The following ARHGAP6 variants were observed in gnomAD, a reference collection of about 807,000 sequenced individuals.
ARHGAP6 encodes the protein Rho GTPase activating protein 6.
In ARHGAP6, 16 loss-of-function variants were observed where a neutral mutation model predicts 55.7. The ratio of observed to expected loss-of-function variants is 0.29; its 90% CI spans 0.19 to 0.44. ARHGAP6 has a LOEUF of 0.44. Ranked by LOEUF, ARHGAP6 falls within the 20% of genes least tolerant of loss-of-function variation. ARHGAP6 has a pLI of 1.00. For synonymous variants in ARHGAP6, 382 were observed against 360.9 expected, an observed-to-expected ratio of 1.06 and a Z score of -0.66; for missense variants, 698 against 808.9, an observed-to-expected ratio of 0.86 and a Z score of 1.66.
At chrX:11,386,695 C>A (rs1036928077) in intron 1 of ARHGAP6, among the ~76,000 whole-genome samples, 4 of 112,001 alleles carry the variant, frequency 3.6e-5, no homozygotes, top group African/African-American at 1.3e-4. Context: ...ACTTTCCCAG[C>A]ATCTTGAAAC....
rs73494788 is a variant in ARHGAP6, at chrX:11,319,573, T to C, written c.589-64866A>G. Among the ~76,000 whole-genome samples, 855 of 112,400 alleles carry C rather than the reference T, an allele frequency of 7.6e-3. 10 individuals carry two copies. The highest frequency in any genetic ancestry group is 0.026 in the African/African-American group (816 of 30,991). On this transcript the variant is annotated intron_variant, in intron 1 of 12. Coordinates refer to ENST00000337414, the MANE Select transcript of ARHGAP6 (RefSeq NM_013427.3). ...AACTCTAATTTAATGAACATACAGTTACCCGCACATATTTTGATTCATTAT... is the reference window on the plus strand; with the variant it reads ...AACTCTAATTTAATGAACATACAGTCACCCGCACATATTTTGATTCATTAT...
At chrX:11,614,284 A>G (rs1370719081) in intron 1 of ARHGAP6, among the ~76,000 whole-genome samples, 1 of 111,916 alleles carries the variant, frequency 8.9e-6, no homozygotes, top group African/African-American at 3.3e-5. Context: ...AGGTTGCTAT[A>G]AAGAACTACC....
intron 2 of ARHGAP6, among the ~76,000 whole-genome samples, chrX:11,220,579 T>C (rs2046954583): frequency 9.1e-6 from 1 of 110,163 alleles, no homozygotes; most frequent in African/African-American, 3.3e-5. Context: ...GCCAAGCAAA[T>C]GCTGAGAGAT....
At chrX:11,604,373 T>C (rs1169038936) in intron 1 of ARHGAP6, among the ~76,000 whole-genome samples, 1 of 111,139 alleles carries the variant, frequency 9.0e-6, no homozygotes, top group Non-Finnish European at 1.9e-5. Context: ...AGATGGTAGA[T>C]ATAAGTGATT....
intron 1 of ARHGAP6, among the ~76,000 whole-genome samples, chrX:11,654,223 C>T (rs1172556080): frequency 3.6e-5 from 4 of 111,534 alleles, no homozygotes; most frequent in African/African-American, 1.3e-4. Context: ...TACCAGCTTG[C>T]CCAATTGTTT....
chrX:11,366,999 C>T (rs2049089246), intron 1 of ARHGAP6, among the ~76,000 whole-genome samples: 1 of 111,232 alleles, frequency 9.0e-6, no homozygotes, highest in Admixed American at 9.6e-5. Flanking sequence ...ACATATTACT[C>T]CCAGAGGTAG....
intron 1 of ARHGAP6, among the ~76,000 whole-genome samples, chrX:11,324,600 A>G (rs1569300802): frequency 9.1e-6 from 1 of 110,312 alleles, no homozygotes; most frequent in Non-Finnish European, 1.9e-5. Flanking sequence ...TAATCTTAAA[A>G]AAAAAAAAAA....
chrX:11,265,970 G>A (rs997945413), intron 1 of ARHGAP6: 2 of 938,807 alleles, frequency 2.1e-6, no homozygotes, highest in African/African-American at 2.1e-5. Context: ...CAGAACAGAG[G>A]CAGGCTGTGT....
At chrX:11,415,583 C>T (rs2049737053) in intron 1 of ARHGAP6, among the ~76,000 whole-genome samples, 1 of 112,206 alleles carries the variant, frequency 8.9e-6, no homozygotes, top group African/African-American at 3.2e-5. Flanking sequence ...GCTTCACATC[C>T]TTACCACAGC....
chrX:11,394,371 G>A (rs2049450816), intron 1 of ARHGAP6, among the ~76,000 whole-genome samples: 1 of 111,392 alleles, frequency 9.0e-6, no homozygotes, highest in Admixed American at 9.6e-5. Context: ...GGGTACCTGG[G>A]GCTGGGGGTG....
intron 1 of ARHGAP6, among the ~76,000 whole-genome samples, chrX:11,494,434 A>G (rs1013894471): frequency 2.0e-4 from 23 of 112,608 alleles, no homozygotes; most frequent in African/African-American, 7.1e-4. Flanking sequence ...CAGAAGCAAG[A>G]TTCAGAAGGT....
intron 1 of ARHGAP6, among the ~76,000 whole-genome samples, chrX:11,493,223 A>G (rs1332227299): frequency 8.9e-6 from 1 of 112,557 alleles, no homozygotes; most frequent in Non-Finnish European, 1.9e-5. Context: ...TGCACTGAAA[A>G]TGTTTGCAAA....
Position 11,247,142 on chromosome X carries a change from C to T in ARHGAP6, c.748+7406G>A, listed in dbSNP as rs145117757. On this transcript the variant is annotated intron_variant, in intron 2 of 12. Coordinates refer to ENST00000337414, the MANE Select transcript of ARHGAP6 (RefSeq NM_013427.3). ...GGCGAGGGATCATTTTATAAGGAAGCCATATAATTGAGCAATTTTGAGGCA... is the reference window on the plus strand; with the variant it reads ...GGCGAGGGATCATTTTATAAGGAAGTCATATAATTGAGCAATTTTGAGGCA... 5.7e-3 allele frequency among the ~76,000 whole-genome samples: 636 copies of T among 111,584 alleles called. 2 individuals carry two copies. The highest frequency in any genetic ancestry group is 0.023 in the Middle Eastern group (5 of 217).
At chrX:11,227,376 G>T (rs1569264619) in intron 2 of ARHGAP6, among the ~76,000 whole-genome samples, 3 of 111,811 alleles carry the variant, frequency 2.7e-5, no homozygotes, top group Non-Finnish European at 5.6e-5. Flanking sequence ...TGCAGTTATT[G>T]CGAGGCACGT....
In ARHGAP6 at chrX:11,481,294, A is replaced by G. The variant is rs1005707989; in HGVS notation, c.588+182947T>C. 2.7e-5 allele frequency among the ~76,000 whole-genome samples: 3 copies of G among 112,214 alleles called. No homozygotes were observed. In the Admixed American group the frequency reaches 2.8e-4, roughly 11 times the overall value. On this transcript the variant is annotated intron_variant, in intron 1 of 12. Coordinates refer to ENST00000337414, the MANE Select transcript of ARHGAP6 (RefSeq NM_013427.3). Reference sequence around the variant, plus strand: ...ATGAGCTTCTCTTAGGGAAGCTAAGAGTAATTTTTTTTCACATGCACGCAC... The same window carrying G: ...ATGAGCTTCTCTTAGGGAAGCTAAGGGTAATTTTTTTTCACATGCACGCAC...
chrX:11,173,125 C>T (rs1183540287), intron 8 of ARHGAP6, among the ~76,000 whole-genome samples: 1 of 112,173 alleles, frequency 8.9e-6, no homozygotes, highest in Non-Finnish European at 1.9e-5. Flanking sequence ...AAGCTGGTGG[C>T]CCCACTCTAG....
chrX:11,587,593 T>C (rs1163075792), intron 1 of ARHGAP6, among the ~76,000 whole-genome samples: 1 of 111,734 alleles, frequency 8.9e-6, no homozygotes, highest in Non-Finnish European at 1.9e-5. Context: ...ACTGGTATAG[T>C]TCTGAGCCAT....
chrX:11,151,229 T>C (rs2045771305), intron 10 of ARHGAP6, among the ~76,000 whole-genome samples: 1 of 110,012 alleles, frequency 9.1e-6, no homozygotes, highest in African/African-American at 3.3e-5. Context: ...ACCTGACAAG[T>C]ATATATTTTT....
intron 1 of ARHGAP6, among the ~76,000 whole-genome samples, chrX:11,633,619 A>G (rs2052384693): frequency 8.9e-6 from 1 of 112,118 alleles, no homozygotes; most frequent in African/African-American, 3.2e-5. Context: ...CTTATTCCTC[A>G]TAGGAAATGT....
Sources: gnomAD v4.1 joint callset for allele counts (sites outside exome capture counted in the v4.1 genomes callset) on GRCh38, gnomAD v4.1.1 for gene constraint, MANE v1.5 for transcripts, NCBI Gene and HGNC (gene_info 2026-07-23, HGNC 2026-07-21) for gene names.